Variants in ZNF740 observed in about 807,000 individuals in gnomAD.
The protein encoded by ZNF740 is zinc finger protein 740.
A neutral mutation model predicts 24.8 loss-of-function variants in ZNF740; 14 were observed. The observed-to-expected ratio is 0.56, with a 90% CI of 0.37 to 0.88. The LOEUF (loss-of-function observed/expected upper bound fraction) is 0.88. ZNF740 is among the 40% of genes least tolerant of loss of function. The pLI is 0.00. For synonymous variants in ZNF740, 69 were observed against 84.0 expected, an observed-to-expected ratio of 0.82 and a Z score of 0.98; for missense variants, 201 against 247.9, an observed-to-expected ratio of 0.81 and a Z score of 1.27.
chr12:53,194,079 A>AT lies in ZNF740; in HGVS notation c.*6489_*6490insT. On this transcript the variant is annotated 3_prime_UTR_variant, in exon 7 of 7. Coordinates refer to ENST00000416904, the MANE Select transcript of ZNF740 (RefSeq NM_001004304.4). ...AGACTGCTCCAGGAAGGATGGATGGAGGACTACCTCAGGCTCTCATGTCAC... is the reference window on the plus strand; with the variant it reads ...AGACTGCTCCAGGAAGGATGGATGGATGGACTACCTCAGGCTCTCATGTCAC... The AT allele has an allele frequency of 2.1e-6, 3 of 1,449,346 alleles. No homozygotes were observed. In the South Asian group the frequency reaches 3.8e-5, roughly 18 times the overall value. The allele number at this position is 1,449,346 out of a possible 1,614,324, so 89.8% of individuals were successfully genotyped here. A position where few individuals can be genotyped will look rare whatever the true frequency, so the allele number is the denominator to read the frequency against.
Position 53,193,518 on chromosome 12 carries a change from G to T in ZNF740, c.*5928G>T. ...AGTATAGTGAAACACTGAGGGGTGAGAGAGTGGAGGGAGCCCCAGTCAGGG... is the reference window on the plus strand; with the variant it reads ...AGTATAGTGAAACACTGAGGGGTGATAGAGTGGAGGGAGCCCCAGTCAGGG... On this transcript the variant is annotated 3_prime_UTR_variant, in exon 7 of 7. Transcript: ENST00000416904. 1.4e-6 allele frequency: 1 copy of T among 735,822 alleles called. No individual in the cohort carries two copies. Among genetic ancestry groups the T allele is most frequent in the Non-Finnish European group, 2.2e-6 (1 of 452,654 alleles). The allele number at this position is 735,822 out of a possible 1,614,324, so 45.6% of individuals were successfully genotyped here.
At chr12:53,183,420 A>C (rs1351897202) in intron 2 of ZNF740, among the ~76,000 whole-genome samples, 1 of 152,244 alleles carries the variant, frequency 6.6e-6, no homozygotes, top group East Asian at 1.9e-4. Context: ...GAGGGGTCCC[A>C]GAACGTACTG....
At position 53,191,216 on chromosome 12, in the gene ZNF740, C is replaced by CGAGAG. The variant is rs1941931458; in HGVS notation, c.*3626_*3627insGAGAG. ...TGCACATTCGCGCTTGGGCACCTCTCCCTGCCCTCAGGTGGCAAGAGGAGG... is the reference window on the plus strand; with the variant it reads ...TGCACATTCGCGCTTGGGCACCTCTCGAGAGCCTGCCCTCAGGTGGCAAGAGGAGG... On this transcript the variant is annotated 3_prime_UTR_variant, in exon 7 of 7. Transcript: ENST00000416904. 1.5e-5 allele frequency: 5 copies of CGAGAG among 324,244 alleles called. No individual in the cohort carries two copies. Among genetic ancestry groups the CGAGAG allele is most frequent in the Non-Finnish European group, 3.0e-5 (5 of 166,584 alleles). The allele number at this position is 324,244 out of a possible 1,614,324, so 20.1% of individuals were successfully genotyped here. A position where few individuals can be genotyped will look rare whatever the true frequency, so the allele number is the denominator to read the frequency against.
At position 53,188,826 on chromosome 12, in the gene ZNF740, A is replaced by G. The variant is rs2120365145; in HGVS notation, c.*1236A>G. The G allele has an allele frequency of 6.6e-6, 1 of 152,230 alleles. No individual in the cohort carries two copies. Among genetic ancestry groups the G allele is most frequent in the African/African-American group, 2.4e-5 (1 of 41,510 alleles). 9.4% of individuals were successfully genotyped at this position (152,230 alleles called of 1,614,324 possible). ...CCTAATGTAGGTTCCATTCTTAACC[A>G]TATTCTTTGCTCCTCTCTGCTCCAA... On this transcript the variant is annotated 3_prime_UTR_variant, in exon 7 of 7. Transcript: ENST00000416904.
chr12:53,193,350 G>A lies in ZNF740; in HGVS notation c.*5760G>A, dbSNP rs1485144634. 5 of 1,585,618 alleles carry A rather than the reference G, an allele frequency of 3.2e-6. No homozygotes were observed. Among genetic ancestry groups the A allele is most frequent in the Middle Eastern group, 1.7e-4 (1 of 5,916 alleles). ...GAGCACTCACAGAGCCGACCTAGGC[G>A]GCCAGGGGCACAGCTGGAAGGGGAA... On this transcript the variant is annotated 3_prime_UTR_variant, in exon 7 of 7. Coordinates refer to ENST00000416904, the MANE Select transcript of ZNF740 (RefSeq NM_001004304.4).
intron 1 of ZNF740, 95 bp downstream of exon 1, chr12:53,180,932 G>A (rs1267114903): frequency 9.5e-6 from 10 of 1,057,918 alleles, no homozygotes; most frequent in African/African-American, 1.7e-5. Flanking sequence ...GAAGGGGGAG[G>A]GGAGGGGAGG....
At chr12:53,187,105 G>A (rs1176774283) in intron 6 of ZNF740, among the ~76,000 whole-genome samples, 1 of 152,240 alleles carries the variant, frequency 6.6e-6, no homozygotes. Context: ...TCAGACGCTA[G>A]AATAAAAGCT....
At position 53,189,446 on chromosome 12, in the gene ZNF740, A is replaced by G. The variant is rs1941886110; in HGVS notation, c.*1856A>G. The G allele has an allele frequency of 1.4e-5, 2 of 138,116 alleles. No homozygotes were observed. The highest frequency in any genetic ancestry group is 1.6e-5 in the Non-Finnish European group (1 of 63,848). The allele number at this position is 138,116 out of a possible 1,614,324, so 8.6% of individuals were successfully genotyped here. ...CAGCAATGATTCCTGGCTGTTACCT[A>G]TTCTGGAGGGGTGGGGTTGGGGAGG... On this transcript the variant is annotated 3_prime_UTR_variant, in exon 7 of 7. Transcript: ENST00000416904.
At position 53,192,888 on chromosome 12, in the gene ZNF740, T is replaced by G; in HGVS notation, c.*5298T>G. The G allele has an allele frequency of 1.2e-6, 2 of 1,614,090 alleles. No individual in the cohort carries two copies. Among genetic ancestry groups the G allele is most frequent in the African/African-American group, 1.3e-5 (1 of 75,030 alleles). On this transcript the variant is annotated 3_prime_UTR_variant, in exon 7 of 7. Transcript: ENST00000416904. Reference sequence around the variant, plus strand: ...TGCGGTTGGCATGACAGTGACATACTCCACATTGGCAGCGACCAAAGCCTG... The same window carrying G: ...TGCGGTTGGCATGACAGTGACATACGCCACATTGGCAGCGACCAAAGCCTG...
chr12:53,185,356 C>T (rs1565691546), intron 3 of ZNF740, 31 bp from the exon 4 acceptor site: 1 of 1,606,820 alleles, frequency 6.2e-7, no homozygotes, highest in Non-Finnish European at 8.5e-7. Flanking sequence ...CCGAGATGGG[C>T]TATGAGTTTA....
At position 53,192,617 on chromosome 12, in the gene ZNF740, G is replaced by A. The variant is rs2120404491; in HGVS notation, c.*5027G>A. ...CTTGCCCAACTACAAGCAGGACGGA[G>A]AGTAGGCAGATGGGAGTAGCTCAAC... On this transcript the variant is annotated 3_prime_UTR_variant, in exon 7 of 7. Transcript: ENST00000416904. 2 of 1,596,686 alleles carry A rather than the reference G, an allele frequency of 1.3e-6. No individual in the cohort carries two copies. The highest frequency in any genetic ancestry group is 2.2e-5 in the South Asian group (2 of 90,668).
rs1381162917 is a variant in ZNF740 at position 53,181,950 on chromosome 12, T to G, written c.-34T>G. ...AAGGAAAGGTGGACCTAGGAACTCCTGAACTTTTGGGTTGCCTTAAGTGAG... is the reference window on the plus strand; with the variant it reads ...AAGGAAAGGTGGACCTAGGAACTCCGGAACTTTTGGGTTGCCTTAAGTGAG... On this transcript the variant is annotated 5_prime_UTR_variant, in exon 2 of 7. Coordinates refer to ENST00000416904, the MANE Select transcript of ZNF740 (RefSeq NM_001004304.4). 1 of 1,602,656 alleles carries G rather than the reference T, an allele frequency of 6.2e-7. No homozygotes were observed. Among genetic ancestry groups the G allele is most frequent in the African/African-American group, 1.3e-5 (1 of 74,818 alleles).
chr12:53,184,134 T>C (rs972471081), intron 2 of ZNF740, among the ~76,000 whole-genome samples: 6 of 129,336 alleles, frequency 4.6e-5, no homozygotes, highest in Admixed American at 7.4e-5. Flanking sequence ...TGTGTGTGTG[T>C]GTGTGTGTGT....
At position 53,190,120 on chromosome 12, in the gene ZNF740, G is replaced by A. The variant is rs1291589357; in HGVS notation, c.*2530G>A. The A allele has an allele frequency of 6.6e-6, 1 of 152,372 alleles. No individual in the cohort carries two copies. Among genetic ancestry groups the A allele is most frequent in the Non-Finnish European group, 1.5e-5 (1 of 68,138 alleles). The allele number at this position is 152,372 out of a possible 1,614,324, so 9.4% of individuals were successfully genotyped here. A position where few individuals can be genotyped will look rare whatever the true frequency, so the allele number is the denominator to read the frequency against. On this transcript the variant is annotated 3_prime_UTR_variant, in exon 7 of 7. Coordinates refer to ENST00000416904, the MANE Select transcript of ZNF740 (RefSeq NM_001004304.4). The stretch of plus-strand genomic sequence containing the variant: ...CCCAGTGAGGGAAACTCAGGAGCAG[G>A]TGGTTGGTTCAGTTCCCGCGCTGAT...
At position 53,192,016 on chromosome 12, in the gene ZNF740, C is replaced by T. The variant is rs1421031565; in HGVS notation, c.*4426C>T. 3.1e-6 allele frequency: 5 copies of T among 1,611,126 alleles called. No individual in the cohort carries two copies. Among genetic ancestry groups the T allele is most frequent in the South Asian group, 2.2e-5 (2 of 91,022 alleles). On this transcript the variant is annotated 3_prime_UTR_variant, in exon 7 of 7. Transcript: ENST00000416904. ...CACAATGGCCTGCGTGTGGTCTGCT[C>T]CCTCTGTGAACAAGAAACCAGACAC...
At position 53,193,036 on chromosome 12, in the gene ZNF740, C is replaced by G; in HGVS notation, c.*5446C>G. ...CCAACCACACCCTCTAACCCATACA[C>G]CGGAATCTTTTGATATTTGCCTTCC... On this transcript the variant is annotated 3_prime_UTR_variant, in exon 7 of 7. Coordinates refer to ENST00000416904, the MANE Select transcript of ZNF740 (RefSeq NM_001004304.4). 1.5e-6 allele frequency: 2 copies of G among 1,375,172 alleles called. No homozygotes were observed. Among genetic ancestry groups the G allele is most frequent in the South Asian group, 1.3e-5 (1 of 77,634 alleles). The allele number at this position is 1,375,172 out of a possible 1,614,324, so 85.2% of individuals were successfully genotyped here.
rs1239219458 is a variant in ZNF740 at position 53,194,297 on chromosome 12, C to T, written c.*6707C>T. 2.5e-6 allele frequency: 4 copies of T among 1,613,868 alleles called. No homozygotes were observed. Among genetic ancestry groups the T allele is most frequent in the African/African-American group, 1.3e-5 (1 of 74,850 alleles). On this transcript the variant is annotated 3_prime_UTR_variant, in exon 7 of 7. Coordinates refer to ENST00000416904, the MANE Select transcript of ZNF740 (RefSeq NM_001004304.4). The stretch of plus-strand genomic sequence containing the variant: ...ACTGGGATTCGTAAGAAATGTGGAC[C>T]CCAGGAGGGAGTGAAGAGTGTTCAA...
chr12:53,187,757 C>T lies in ZNF740; in HGVS notation c.*167C>T. ...TCAGGGGACAGTGGCCCCAGAACCT[C>T]AGCTCTGTAAATAATCTGAGACTAT... On this transcript the variant is annotated 3_prime_UTR_variant, in exon 7 of 7. Transcript: ENST00000416904. 1.7e-6 allele frequency: 1 copy of T among 604,182 alleles called. No individual in the cohort carries two copies. The highest frequency in any genetic ancestry group is 3.0e-6 in the Non-Finnish European group (1 of 336,740). The allele number at this position is 604,182 out of a possible 1,614,324, so 37.4% of individuals were successfully genotyped here.
rs894511224 is a variant in ZNF740 at position 53,193,622 on chromosome 12, G to A, written c.*6032G>A. 30 of 1,202,950 alleles carry A rather than the reference G, an allele frequency of 2.5e-5. No homozygotes were observed. The highest frequency in any genetic ancestry group is 1.1e-4 in the South Asian group (7 of 65,926). The allele number at this position is 1,202,950 out of a possible 1,614,324, so 74.5% of individuals were successfully genotyped here. On this transcript the variant is annotated 3_prime_UTR_variant, in exon 7 of 7. Transcript: ENST00000416904. ...CGGGATGTCGAGGAGACTCCTGTGGGGGGGATGGAAAGCAGCGGAGGAATA... is the reference window on the plus strand; with the variant it reads ...CGGGATGTCGAGGAGACTCCTGTGGAGGGGATGGAAAGCAGCGGAGGAATA...
Sources: gnomAD v4.1 joint callset for allele counts (sites outside exome capture counted in the v4.1 genomes callset) on GRCh38, gnomAD v4.1.1 for gene constraint, MANE v1.5 for transcripts, NCBI Gene and HGNC (gene_info 2026-07-23, HGNC 2026-07-21) for gene names.